TRERF1: variants seen among roughly 807,000 people sequenced by gnomAD.
The protein encoded by TRERF1 is transcriptional-regulating factor 1.
Under a neutral mutation model 122.9 loss-of-function variants are expected in TRERF1, and 27 were observed. That is an observed-to-expected ratio of 0.22 (90% CI 0.16 to 0.30). The LOEUF (loss-of-function observed/expected upper bound fraction) is 0.30. TRERF1 is among the 10% of genes least tolerant of loss of function. The pLI is 1.00. For synonymous variants in TRERF1, 636 were observed against 641.7 expected, an observed-to-expected ratio of 0.99 and a Z score of 0.13; for missense variants, 1,248 against 1,560.3, an observed-to-expected ratio of 0.80 and a Z score of 3.37.
At chr6:42,383,427 C>G (rs1034810698) in intron 2 of TRERF1, among the ~76,000 whole-genome samples, 1 of 152,118 alleles carries the variant, frequency 6.6e-6, no homozygotes, top group Admixed American at 6.6e-5. Flanking sequence ...CCTAACACCC[C>G]CTTCCTCCTC....
rs772912345 is a variant in TRERF1, at chr6:42,259,403, G to C, written c.2205C>G (p.Gly735=). 1.9e-6 allele frequency: 3 copies of C among 1,539,080 alleles called. No homozygotes were observed. Among genetic ancestry groups the C allele is most frequent in the Non-Finnish European group, 2.6e-6 (3 of 1,152,014 alleles). ...GCGTCAGGGGCAGCTGCGGGTGGGC[G>C]CCAGGGCCGTGGCCGGAGATGAGGA... is the stretch of plus-strand genomic sequence containing the variant. Residue 735 remains glycine, a synonymous_variant, in exon 9 of 18, where the codon GGC becomes GGG. Coordinates refer to ENST00000372922, the Ensembl canonical transcript of TRERF1. The surrounding 1 kb of genome is among the most constrained non-coding windows in gnomAD (Gnocchi z 4.9).
intron 2 of TRERF1, among the ~76,000 whole-genome samples, chr6:42,378,298 A>T (rs1775266303): frequency 1.3e-5 from 2 of 152,088 alleles, no homozygotes; most frequent in South Asian, 4.2e-4. Flanking sequence ...AGTCGAGGCG[A>T]TACAGGCTCA....
At chr6:42,417,865 G>A (rs774094429) in intron 2 of TRERF1, among the ~76,000 whole-genome samples, 1 of 152,212 alleles carries the variant, frequency 6.6e-6, no homozygotes, top group Non-Finnish European at 1.5e-5. Context: ...CAAGAACTCG[G>A]TGAGCTGCAG....
intron 2 of TRERF1, among the ~76,000 whole-genome samples, chr6:42,410,088 C>T (rs1780892103): frequency 6.6e-6 from 1 of 152,084 alleles, no homozygotes; most frequent in Admixed American, 6.5e-5. Context: ...TTAATATTGG[C>T]CTCTCTGTGT....
chr6:42,394,619 G>A (rs1778270773), intron 2 of TRERF1, among the ~76,000 whole-genome samples: 1 of 152,126 alleles, frequency 6.6e-6, no homozygotes, highest in African/African-American at 2.4e-5. Flanking sequence ...ATGCTTAAGA[G>A]GCTTGCCCAA....
At chr6:42,410,252 C>T (rs1780918490) in intron 2 of TRERF1, among the ~76,000 whole-genome samples, 1 of 152,170 alleles carries the variant, frequency 6.6e-6, no homozygotes, top group Admixed American at 6.5e-5. Context: ...GCAATCCTCC[C>T]ACCATGCGAT....
chr6:42,432,364 C>G (rs748017082), intron 2 of TRERF1, among the ~76,000 whole-genome samples: 9 of 152,206 alleles, frequency 5.9e-5, no homozygotes, highest in Non-Finnish European at 1.2e-4. Context: ...ATTTTCAACT[C>G]TGATCATTTC....
In TRERF1 at chr6:42,268,118, A is replaced by G; in HGVS notation, c.1437+36T>C. 2 of 1,427,932 alleles carry G rather than the reference A, an allele frequency of 1.4e-6. No homozygotes were observed. The highest frequency in any genetic ancestry group is 2.4e-5 in the East Asian group (1 of 41,178). The allele number at this position is 1,427,932 out of a possible 1,614,324, so 88.5% of individuals were successfully genotyped here. A position where few individuals can be genotyped will look rare whatever the true frequency, so the allele number is the denominator to read the frequency against. On this transcript the variant is annotated intron_variant, in intron 5 of 17. Transcript: ENST00000372922. This position sits in a 1 kb window ranked among gnomAD's most constrained non-coding sequence, Gnocchi z 4.4. Reference sequence around the variant, plus strand: ...AGACTCAGCCCTGACCCTGTAGCACACTGGGTATTGAGAGAAACTTCCAAT... The same window carrying G: ...AGACTCAGCCCTGACCCTGTAGCACGCTGGGTATTGAGAGAAACTTCCAAT...
intron 2 of TRERF1, among the ~76,000 whole-genome samples, chr6:42,381,358 G>A (rs114409682): frequency 0.11 from 15,348 of 142,660 alleles, 1,285 homozygotes; most frequent in African/African-American, 0.27. Flanking sequence ...TTGTTTTAAG[G>A]AACCACCCAG....
exon 18 of TRERF1, chr6:42,226,512 T>C (rs1769536788): frequency 6.8e-6 from 1 of 146,892 alleles, no homozygotes; most frequent in African/African-American, 2.5e-5. Flanking sequence ...CAGGATAGCA[T>C]AACCTTTCTG....
chr6:42,268,163 C>G lies in TRERF1; in HGVS notation c.1428G>C (p.Met476Ile), dbSNP rs1779541714. 6.9e-7 allele frequency: 1 copy of G among 1,450,558 alleles called. No individual in the cohort carries two copies. The highest frequency in any genetic ancestry group is 2.4e-5 in the East Asian group (1 of 41,668). The allele number at this position is 1,450,558 out of a possible 1,614,324, so 89.9% of individuals were successfully genotyped here. A position where few individuals can be genotyped will look rare whatever the true frequency, so the allele number is the denominator to read the frequency against. Residue 476 changes from methionine (M) to isoleucine (I), a missense_variant, in exon 5 of 18, where the codon ATG (methionine) becomes ATC (isoleucine). Transcript: ENST00000372922. This position sits in a 1 kb window ranked among gnomAD's most constrained non-coding sequence, Gnocchi z 4.4. ...TCCAATGGGAGAATACCTGGGGCCACATGGCACTGGGAGACAGCTGCTGAT... is the reference window on the plus strand; with the variant it reads ...TCCAATGGGAGAATACCTGGGGCCAGATGGCACTGGGAGACAGCTGCTGAT...
rs1582629277 is a variant in TRERF1 at position 42,259,857 on chromosome 6, C to T, written c.1885-134G>A. 2 of 1,257,622 alleles carry T rather than the reference C, an allele frequency of 1.6e-6. No individual in the cohort carries two copies. The highest frequency in any genetic ancestry group is 2.2e-6 in the Non-Finnish European group (2 of 922,410). The allele number at this position is 1,257,622 out of a possible 1,614,324, so 77.9% of individuals were successfully genotyped here. The stretch of plus-strand genomic sequence containing the variant: ...CTTGACCCCCCCACCCCCAACGCCC[C>T]CACATTCTGACCACATCCATTTTAG... On this transcript the variant is annotated intron_variant, in intron 8 of 17. Coordinates refer to ENST00000372922, the Ensembl canonical transcript of TRERF1. This position sits in a 1 kb window ranked among gnomAD's most constrained non-coding sequence, Gnocchi z 4.9.
intron 4 of TRERF1, among the ~76,000 whole-genome samples, chr6:42,279,691 G>A (rs1298317252): frequency 6.6e-6 from 1 of 152,126 alleles, no homozygotes; most frequent in Non-Finnish European, 1.5e-5. Context: ...GAGGGTGGTG[G>A]CTGGCGCTGT....
Position 42,268,640 on chromosome 6 carries a change from C to T in TRERF1, c.951G>A (p.Arg317=), listed in dbSNP as rs1267793825. Reference sequence around the variant, plus strand: ...ACTGAGGTATCTGCATTGAACCCTGCCGCTGCTGCAGCTGTAGCTGCTGCG... The same window carrying T: ...ACTGAGGTATCTGCATTGAACCCTGTCGCTGCTGCAGCTGTAGCTGCTGCG... Residue 317 remains arginine, a synonymous_variant, in exon 5 of 18, where the codon CGG becomes CGA. Coordinates refer to ENST00000372922, the Ensembl canonical transcript of TRERF1. This position sits in a 1 kb window ranked among gnomAD's most constrained non-coding sequence, Gnocchi z 4.4. The T allele has an allele frequency of 1.9e-6, 3 of 1,614,192 alleles. No individual in the cohort carries two copies. The highest frequency in any genetic ancestry group is 1.7e-6 in the Non-Finnish European group (2 of 1,180,024).
intron 15 of TRERF1, among the ~76,000 whole-genome samples, chr6:42,236,654 A>C (rs986835921): frequency 1.3e-5 from 2 of 152,140 alleles, no homozygotes; most frequent in African/African-American, 4.8e-5. Flanking sequence ...ACCCCTCATC[A>C]CTTATATAAA....
chr6:42,346,017 C>A (rs1043607128), intron 3 of TRERF1, among the ~76,000 whole-genome samples: 4 of 152,256 alleles, frequency 2.6e-5, no homozygotes, highest in African/African-American at 9.6e-5. Flanking sequence ...GAAGGACTAA[C>A]ACACAAGAAA....
At chr6:42,425,841 G>A (rs754297632) in intron 2 of TRERF1, among the ~76,000 whole-genome samples, 1 of 151,952 alleles carries the variant, frequency 6.6e-6, no homozygotes, top group Middle Eastern at 3.4e-3. Context: ...GTGCCCCGCC[G>A]GCCCCCTGGG....
chr6:42,311,490 C>T (rs530916142), intron 3 of TRERF1, among the ~76,000 whole-genome samples: 2 of 151,850 alleles, frequency 1.3e-5, no homozygotes, highest in South Asian at 2.1e-4. Flanking sequence ...AGGGGCCGGG[C>T]GCGGTGGCTC....
chr6:42,422,764 G>A lies in TRERF1; in HGVS notation c.-454+28413C>T, dbSNP rs1562182145. On this transcript the variant is annotated intron_variant, in intron 2 of 17. Transcript: ENST00000372922. ...CATCACTGCCGTCCAGGATGGCCATGATCATCTAGCAGCTGCCCTACTTCT... is the reference window on the plus strand; with the variant it reads ...CATCACTGCCGTCCAGGATGGCCATAATCATCTAGCAGCTGCCCTACTTCT... Among the ~76,000 whole-genome samples the A allele has an allele frequency of 2.0e-5, 3 of 151,830 alleles. No individual in the cohort carries two copies. In the South Asian group the frequency reaches 6.2e-4, roughly 32 times the overall value.
Sources: allele counts gnomAD v4.1 joint callset (sites outside exome capture counted in the v4.1 genomes callset), GRCh38; gene constraint gnomAD v4.1.1; non-coding constraint Gnocchi (gnomAD v3.1); transcripts MANE v1.5; gene names NCBI Gene and HGNC (gene_info 2026-07-23, HGNC 2026-07-21).